GMDS: variants seen among roughly 807,000 people sequenced by gnomAD.
GMDS encodes GDP-mannose 4,6-dehydratase, also known as GDP-mannose 4,6 dehydratase.
Under a neutral mutation model 49.9 loss-of-function variants are expected in GMDS, and 20 were observed. The observed-to-expected ratio is 0.40, with a 90% CI of 0.28 to 0.58. The LOEUF is 0.58. Ranked by LOEUF, GMDS falls within the 20% of genes least tolerant of loss-of-function variation. The pLI is 0.42. For synonymous variants in GMDS, 177 were observed against 178.6 expected (o/e 0.99, Z 0.07); for missense variants, 362 against 481.4 (o/e 0.75, Z 2.32).
At chr6:2,062,149 G>A (rs1295235597) in intron 4 of GMDS, among the ~76,000 whole-genome samples, 2 of 152,168 alleles carry the variant, frequency 1.3e-5, no homozygotes, top group South Asian at 2.1e-4. Context: ...AGCAGGTCCT[G>A]AGGCAATTTT....
chr6:2,038,342 C>A (rs146347003), intron 4 of GMDS, among the ~76,000 whole-genome samples: 1 of 152,258 alleles, frequency 6.6e-6, no homozygotes, highest in East Asian at 1.9e-4. Context: ...CTTTGATAAG[C>A]AAACTATACT....
chr6:2,175,742 T>A (rs1778251972), intron 1 of GMDS, among the ~76,000 whole-genome samples: 1 of 152,152 alleles, frequency 6.6e-6, no homozygotes, highest in East Asian at 1.9e-4. Flanking sequence ...AAATAAAATA[T>A]CCAATAACAA....
chr6:1,737,499 A>AC (rs1270363337), intron 8 of GMDS, among the ~76,000 whole-genome samples: 18 of 150,854 alleles, frequency 1.2e-4, no homozygotes, highest in African/African-American at 4.4e-4. Context: ...ACACACACAC[A>AC]AACACACACA....
chr6:1,778,686 G>A lies in GMDS; in HGVS notation c.772-36100C>T, dbSNP rs1768943906. ...GACTTGCCCCAAATCCATTATTTTT[G>A]TCTGTCACTGGAGGGAACTTTCCCT... On this transcript the variant is annotated intron_variant, in intron 7 of 10. Transcript: ENST00000380815. The surrounding 1 kb of genome is among the most constrained non-coding windows in gnomAD (Gnocchi z 4.6). Among the ~76,000 whole-genome samples the A allele has an allele frequency of 6.6e-6, 1 of 151,928 alleles. No homozygotes were observed. Among genetic ancestry groups the A allele is most frequent in the South Asian group, 2.1e-4 (1 of 4,820 alleles).
rs144622520 is a variant in GMDS at position 1,680,080 on chromosome 6, C to A, written c.987+46336G>T. ...ATTTCAACTAGTCTGTAATTTCACACATTAGGCTAAGTCTTGTACACTGAA... is the reference window on the plus strand; with the variant it reads ...ATTTCAACTAGTCTGTAATTTCACAAATTAGGCTAAGTCTTGTACACTGAA... On this transcript the variant is annotated intron_variant, in intron 9 of 10. Coordinates refer to ENST00000380815, the MANE Select transcript of GMDS (RefSeq NM_001500.4). Among the ~76,000 whole-genome samples the A allele has an allele frequency of 1.5e-3, 222 of 152,330 alleles. 1 individual carries two copies. The highest frequency in any genetic ancestry group is 5.2e-3 in the African/African-American group (216 of 41,578).
At chr6:1,699,635 C>T (rs1043091863) in intron 9 of GMDS, among the ~76,000 whole-genome samples, 1 of 152,162 alleles carries the variant, frequency 6.6e-6, no homozygotes, top group Non-Finnish European at 1.5e-5. Flanking sequence ...TTCACTGCTC[C>T]TTTTCTGACT....
chr6:1,824,321 T>C (rs189909895), intron 7 of GMDS, among the ~76,000 whole-genome samples: 1 of 152,298 alleles, frequency 6.6e-6, no homozygotes, highest in East Asian at 1.9e-4. Flanking sequence ...CAAGGCTGTG[T>C]GCACAACCAG....
Position 1,766,110 on chromosome 6 carries a change from G to A in GMDS, c.772-23524C>T, listed in dbSNP as rs550312063. On this transcript the variant is annotated intron_variant, in intron 7 of 10. Transcript: ENST00000380815. This position sits in a 1 kb window ranked among gnomAD's most constrained non-coding sequence, Gnocchi z 4.5. ...CACATGTGAAATGGAGGGTGGGTAT[G>A]TGAAGCTCAGGATGATTCATGGATT... Among the ~76,000 whole-genome samples, 1 of 152,344 alleles carries A rather than the reference G, an allele frequency of 6.6e-6. No homozygotes were observed. The highest frequency in any genetic ancestry group is 2.1e-4 in the South Asian group (1 of 4,828).
chr6:1,704,553 A>G (rs571167994), intron 9 of GMDS, among the ~76,000 whole-genome samples: 88 of 152,354 alleles, frequency 5.8e-4, no homozygotes, highest in African/African-American at 2.1e-3. Context: ...CACCCCAGAA[A>G]GGAAGAGGGC....
rs148584095 is a variant in GMDS at position 1,635,999 on chromosome 6, C to T, written c.988-11459G>A. Among the ~76,000 whole-genome samples the T allele has an allele frequency of 1.3e-3, 198 of 152,310 alleles. No homozygotes were observed. Among genetic ancestry groups the T allele is most frequent in the Non-Finnish European group, 2.1e-3 (143 of 68,028 alleles). ...TTTCCAGAGTAACCTGCCACCGTGGCAGCCCTCCTCATCACAAAGAGGACT... is the reference window on the plus strand; with the variant it reads ...TTTCCAGAGTAACCTGCCACCGTGGTAGCCCTCCTCATCACAAAGAGGACT... On this transcript the variant is annotated intron_variant, in intron 9 of 10. Transcript: ENST00000380815. This position sits in a 1 kb window ranked among gnomAD's most constrained non-coding sequence, Gnocchi z 4.7.
intron 9 of GMDS, among the ~76,000 whole-genome samples, chr6:1,639,878 A>G (rs1291930154): frequency 6.6e-6 from 1 of 152,188 alleles, no homozygotes; most frequent in African/African-American, 2.4e-5. Context: ...ACCTTGTCTC[A>G]AAACAAAACA....
chr6:2,053,342 G>A (rs1770563269), intron 4 of GMDS, among the ~76,000 whole-genome samples: 1 of 151,872 alleles, frequency 6.6e-6, no homozygotes, highest in Non-Finnish European at 1.5e-5. Context: ...GTCTGGTCTT[G>A]ACAAAGGGAA....
chr6:1,769,179 T>G (rs1350122075), intron 7 of GMDS, among the ~76,000 whole-genome samples: 1 of 152,214 alleles, frequency 6.6e-6, no homozygotes, highest in Non-Finnish European at 1.5e-5. Context: ...TCACTCAAGC[T>G]TCACGACAAT....
At chr6:2,184,230 G>T (rs1420082283) in intron 1 of GMDS, among the ~76,000 whole-genome samples, 1 of 152,028 alleles carries the variant, frequency 6.6e-6, no homozygotes, top group Non-Finnish European at 1.5e-5. Flanking sequence ...CTCTTAATAG[G>T]TATATTTTCT....
intron 7 of GMDS, among the ~76,000 whole-genome samples, chr6:1,914,479 A>AG (rs1221030295): frequency 4.6e-5 from 7 of 151,896 alleles, no homozygotes; most frequent in Non-Finnish European, 1.0e-4. Flanking sequence ...AAAAAAAAAA[A>AG]AGAAAAAAAA....
intron 7 of GMDS, among the ~76,000 whole-genome samples, chr6:1,838,946 T>G (rs114275681): frequency 1.3e-3 from 192 of 152,302 alleles, no homozygotes; most frequent in African/African-American, 4.4e-3. Context: ...TACATGCCCA[T>G]GTAAGGATGC....
intron 4 of GMDS, among the ~76,000 whole-genome samples, chr6:2,083,029 T>C (rs1376032838): frequency 6.6e-6 from 1 of 152,230 alleles, no homozygotes; most frequent in Non-Finnish European, 1.5e-5. Flanking sequence ...AACATCATCA[T>C]TTATAAAACA....
intron 4 of GMDS, among the ~76,000 whole-genome samples, chr6:2,059,279 T>C (rs1055409441): frequency 5.3e-5 from 8 of 151,786 alleles, no homozygotes; most frequent in Non-Finnish European, 1.2e-4. Context: ...ATTTGAACTA[T>C]TGTTTTTTTA....
intron 7 of GMDS, among the ~76,000 whole-genome samples, chr6:1,863,585 A>C (rs1758298601): frequency 6.6e-6 from 1 of 152,184 alleles, no homozygotes; most frequent in Non-Finnish European, 1.5e-5. Flanking sequence ...TTTGTGAATA[A>C]AAGAGCAGTA....
Sources: allele counts gnomAD v4.1 joint callset (sites outside exome capture counted in the v4.1 genomes callset), GRCh38; gene constraint gnomAD v4.1.1; non-coding constraint Gnocchi (gnomAD v3.1); transcripts MANE v1.5; gene names NCBI Gene and HGNC (gene_info 2026-07-23, HGNC 2026-07-21).